TPD52: variants seen among roughly 807,000 people sequenced by gnomAD.
The protein encoded by TPD52 is prostate and colon associated protein.
In TPD52, 17 loss-of-function variants were observed where a neutral mutation model predicts 31.3. The ratio of observed to expected loss-of-function variants is 0.54; its 90% CI spans 0.37 to 0.82. The LOEUF is 0.82. TPD52 is among the 40% of genes least tolerant of loss of function. The probability of loss-of-function intolerance (pLI) is 0.00; values close to 1 mark genes in which losing one functional copy is unlikely to be tolerated. For missense variants in TPD52, 212 were observed against 240.1 expected (o/e 0.88, Z 0.77); for synonymous variants, 83 against 89.6 (o/e 0.93, Z 0.42).
intron 1 of TPD52, among the ~76,000 whole-genome samples, chr8:80,120,405 C>A (rs1244087487): frequency 6.6e-6 from 1 of 152,010 alleles, no homozygotes; most frequent in Non-Finnish European, 1.5e-5. Flanking sequence ...ACGAGAATCA[C>A]TTGAATCCAG....
chr8:80,162,429 A>T (rs1811420300), intron 1 of TPD52, among the ~76,000 whole-genome samples: 1 of 152,186 alleles, frequency 6.6e-6, no homozygotes, highest in Admixed American at 6.5e-5. Flanking sequence ...GGGAAATACA[A>T]ATGGATAATA....
At chr8:80,134,295 G>T (rs112974714) in intron 1 of TPD52, among the ~76,000 whole-genome samples, 10 of 152,326 alleles carry the variant, frequency 6.6e-5, no homozygotes, top group Middle Eastern at 6.8e-3. Flanking sequence ...ATAGTATAGA[G>T]ATGGGGGAGA....
chr8:80,109,382 G>A (rs908855861), intron 1 of TPD52, among the ~76,000 whole-genome samples: 4 of 152,226 alleles, frequency 2.6e-5, no homozygotes, highest in African/African-American at 9.6e-5. Context: ...AATTTATTAT[G>A]CAATCAAATT....
intron 1 of TPD52, among the ~76,000 whole-genome samples, chr8:80,094,761 T>TA (rs1563621724): frequency 1.6e-4 from 21 of 128,252 alleles, no homozygotes; most frequent in African/African-American, 5.1e-4. Context: ...CTACCATAAT[T>TA]TAAAAAAAAA....
At chr8:80,057,781 C>T (rs572066898) in intron 2 of TPD52, among the ~76,000 whole-genome samples, 61 of 152,062 alleles carry the variant, frequency 4.0e-4, no homozygotes, top group Non-Finnish European at 7.1e-4. Context: ...GTAACAAACC[C>T]GCACATGTAC....
chr8:80,080,865 A>T, intron 1 of TPD52: 1 of 568,608 alleles, frequency 1.8e-6, no homozygotes, highest in Non-Finnish European at 2.2e-6. Context: ...AATTTATTTA[A>T]AATAAATAAA....
intron 1 of TPD52, among the ~76,000 whole-genome samples, chr8:80,113,470 C>G (rs1471354040): frequency 6.6e-6 from 1 of 152,104 alleles, no homozygotes; most frequent in African/African-American, 2.4e-5. Flanking sequence ...CAAAATGATA[C>G]CTGAATCCCC....
chr8:80,146,807 C>T (rs1272978740), intron 1 of TPD52, among the ~76,000 whole-genome samples: 1 of 152,158 alleles, frequency 6.6e-6, no homozygotes, highest in African/African-American at 2.4e-5. Flanking sequence ...AGAAAGTGCT[C>T]CATGACATGG....
chr8:80,058,444 T>C (rs1311971345), intron 2 of TPD52, among the ~76,000 whole-genome samples: 1 of 152,244 alleles, frequency 6.6e-6, no homozygotes, highest in African/African-American at 2.4e-5. Context: ...GGCATAAAAA[T>C]GTTTTTGAAA....
At chr8:80,126,009 T>C (rs932210932) in intron 1 of TPD52, among the ~76,000 whole-genome samples, 3 of 152,182 alleles carry the variant, frequency 2.0e-5, no homozygotes, top group African/African-American at 7.2e-5. Context: ...CTCAGGGAAA[T>C]AAGAAGCCAG....
downstream of TPD52, among the ~76,000 whole-genome samples, chr8:80,034,390 G>T (rs1003521258): frequency 6.6e-6 from 1 of 151,950 alleles, no homozygotes; most frequent in African/African-American, 2.4e-5. Context: ...ACCTATTGCC[G>T]GCCCCTGCCA....
chr8:80,130,218 G>A (rs903575337), intron 1 of TPD52, among the ~76,000 whole-genome samples: 1 of 152,088 alleles, frequency 6.6e-6, no homozygotes, highest in Non-Finnish European at 1.5e-5. Context: ...ATGAAAAAGG[G>A]AACAGACACA....
chr8:80,128,762 G>A (rs181575309), intron 1 of TPD52, among the ~76,000 whole-genome samples: 78 of 151,832 alleles, frequency 5.1e-4, no homozygotes, highest in African/African-American at 1.7e-3. Flanking sequence ...TAGATATTAA[G>A]ATGTAATACT....
chr8:80,152,503 G>A (rs1011133725), intron 1 of TPD52, among the ~76,000 whole-genome samples: 2 of 152,118 alleles, frequency 1.3e-5, no homozygotes, highest in African/African-American at 2.4e-5. Flanking sequence ...TCAGGCAGCC[G>A]GGAGCGGTGG....
intron 1 of TPD52, among the ~76,000 whole-genome samples, chr8:80,153,060 C>A (rs539720493): frequency 3.3e-5 from 5 of 152,150 alleles, no homozygotes; most frequent in Non-Finnish European, 5.9e-5. Flanking sequence ...GACTCTTAGG[C>A]ACTAACAAAT....
At chr8:80,106,857 CT>C (rs34455125) in intron 1 of TPD52, among the ~76,000 whole-genome samples, 36 of 143,646 alleles carry the variant, frequency 2.5e-4, no homozygotes, top group Non-Finnish European at 2.7e-4. Flanking sequence ...CATAAATAAC[CT>C]TTTTTTTTTT....
intron 1 of TPD52, chr8:80,158,928 A>G (rs1811160636): frequency 8.3e-6 from 1 of 120,286 alleles, no homozygotes; most frequent in Non-Finnish European, 1.6e-5. Context: ...TGGGCGACAG[A>G]GCGAGACTCC....
chr8:80,094,466 ATATATATATATATATATATG>A (rs1183883117), intron 1 of TPD52, among the ~76,000 whole-genome samples: 3 of 105,598 alleles, frequency 2.8e-5, no homozygotes, highest in African/African-American at 8.0e-5. Flanking sequence ...ATATATATAT[ATATATATATATATATATATG>A]TATGTATATA....
intron 4 of TPD52, among the ~76,000 whole-genome samples, chr8:80,050,963 A>G (rs1254997200): frequency 6.6e-6 from 1 of 152,004 alleles, no homozygotes; most frequent in East Asian, 1.9e-4. Flanking sequence ...AAGTGGTTTT[A>G]TAAAAATGGC....
Sources: allele counts gnomAD v4.1 joint callset (sites outside exome capture counted in the v4.1 genomes callset), GRCh38; gene constraint gnomAD v4.1.1; transcripts MANE v1.5; gene names NCBI Gene and HGNC (gene_info 2026-07-23, HGNC 2026-07-21).